Variants in GTF3C1 observed in about 807,000 individuals in gnomAD.
GTF3C1 encodes the protein general transcription factor IIIC subunit 1.
Under a neutral mutation model 226.7 loss-of-function variants are expected in GTF3C1, and 57 were observed. The observed-to-expected ratio is 0.25, with a 90% confidence interval of 0.20 to 0.31. GTF3C1 has a LOEUF of 0.31. GTF3C1 is among the 10% of genes least tolerant of loss of function. The pLI is 1.00. For missense variants in GTF3C1, 2,217 were observed against 2,776.1 expected (o/e 0.80, Z 4.53); for synonymous variants, 1,090 against 1,084.8 (o/e 1.00, Z -0.09).
At position 27,460,971 on chromosome 16, in the gene GTF3C1, C is replaced by G. The variant is rs754252364; in HGVS notation, c.*379G>C. 1.0e-5 allele frequency: 2 copies of G among 190,546 alleles called. No homozygotes were observed. Among genetic ancestry groups the G allele is most frequent in the Non-Finnish European group, 2.2e-5 (2 of 90,804 alleles). 11.8% of individuals were successfully genotyped at this position (190,546 alleles called of 1,614,324 possible). On this transcript the variant is annotated 3_prime_UTR_variant, in exon 37 of 37. Transcript: ENST00000356183. ...TCTGCAAGGTGTATCCCACAAGGCC[C>G]TTCCTCTTGGTGGCACCTGGGCACT...
In GTF3C1 at chr16:27,463,318, C is replaced by A; in HGVS notation, c.5924+223G>T. The A allele has an allele frequency of 1.7e-6, 1 of 577,928 alleles. No homozygotes were observed. Among genetic ancestry groups the A allele is most frequent in the Non-Finnish European group, 3.1e-6 (1 of 326,464 alleles). The allele number at this position is 577,928 out of a possible 1,614,324, so 35.8% of individuals were successfully genotyped here. On this transcript the variant is annotated intron_variant, in intron 35 of 36. Coordinates refer to ENST00000356183, the MANE Select transcript of GTF3C1 (RefSeq NM_001520.4). This position sits in a 1 kb window ranked among gnomAD's most constrained non-coding sequence, Gnocchi z 4.9. Reference sequence around the variant, plus strand: ...ACCAGCGCCCTGGGCATTCTGGAAGCGCAGCCCTCATTCCAGGCCGACCTG... The same window carrying A: ...ACCAGCGCCCTGGGCATTCTGGAAGAGCAGCCCTCATTCCAGGCCGACCTG...
intron 8 of GTF3C1, 45 bp downstream of exon 8, chr16:27,508,495 C>A (rs772830911): frequency 7.2e-7 from 1 of 1,381,352 alleles, no homozygotes; most frequent in Non-Finnish European, 1.0e-6. Flanking sequence ...ACACTGCAAG[C>A]ACCTCCAAAG....
chr16:27,515,341 C>A (rs956181917), intron 6 of GTF3C1, among the ~76,000 whole-genome samples: 1 of 151,720 alleles, frequency 6.6e-6, no homozygotes, highest in Non-Finnish European at 1.5e-5. Flanking sequence ...CCCAGCTACT[C>A]GGAAGGCTGA....
intron 14 of GTF3C1, among the ~76,000 whole-genome samples, chr16:27,496,697 C>T (rs2088322764): frequency 6.6e-6 from 1 of 152,230 alleles, no homozygotes; most frequent in Non-Finnish European, 1.5e-5. Context: ...AGCCACCATA[C>T]CCAGCCATCT....
Position 27,502,477 on chromosome 16 carries a change from G to A in GTF3C1, c.1907+382C>T, listed in dbSNP as rs182663472. Among the ~76,000 whole-genome samples the A allele has an allele frequency of 9.2e-5, 14 of 152,202 alleles. No homozygotes were observed. The East Asian group carries it at 1.5e-3, about 17-fold the overall frequency. The stretch of plus-strand genomic sequence containing the variant: ...ACTCTATTTGCGCAAAATGCACCAC[G>A]GAGAACTAAAAGTCTGGAAGTAATG... On this transcript the variant is annotated intron_variant, in intron 11 of 36. Transcript: ENST00000356183.
chr16:27,476,479 C>T lies in GTF3C1; in HGVS notation c.4325G>A (p.Ser1442Asn), dbSNP rs199601396. Residue 1442 changes from serine (S) to asparagine (N), a missense_variant, in exon 29 of 37, where the codon AGT (serine) becomes AAT (asparagine). Ser to Asn is a conservative substitution (Grantham distance 46). Coordinates refer to ENST00000356183, the MANE Select transcript of GTF3C1 (RefSeq NM_001520.4). ...LIQSTLALSD[S>N]QMKSYQSFQT... ...GAATGACTGGTAGGACTTCATCTGA[C>T]TGTCTGAGAGGGCCAGCGTGCTCTG... The T allele has an allele frequency of 1.6e-4, 263 of 1,612,892 alleles. No individual in the cohort carries two copies. The South Asian group carries it at 2.8e-3, about 17-fold the overall frequency.
chr16:27,473,259 T>C (rs189960273), intron 29 of GTF3C1, among the ~76,000 whole-genome samples: 19 of 152,360 alleles, frequency 1.2e-4, no homozygotes, highest in African/African-American at 4.3e-4. Flanking sequence ...GTACCTCTGC[T>C]GGACATGCCA....
chr16:27,464,427 G>T lies in GTF3C1; in HGVS notation c.5765C>A (p.Ala1922Glu), dbSNP rs764407120. The T allele has an allele frequency of 2.5e-6, 4 of 1,602,776 alleles. No homozygotes were observed. The East Asian group carries it at 6.8e-5, about 27-fold the overall frequency. Residue 1922 changes from alanine to glutamate, a missense_variant, in exon 34 of 37, where the codon GCG becomes GAG. By Grantham distance (107) the Ala-to-Glu change is moderately radical. Coordinates refer to ENST00000356183, the MANE Select transcript of GTF3C1 (RefSeq NM_001520.4). The part of the protein sequence containing the change: ...PPPALEDTAA[A>E]GAAQEDQEGV... The stretch of plus-strand genomic sequence containing the variant: ...CTCTTGGTCTTCCTGTGCTGCTCCC[G>T]CTGCAGCGGTGTCTTCAAGAGCTGG...
chr16:27,508,512 A>C (rs1318099721), intron 8 of GTF3C1, 28 bp downstream of exon 8: 3 of 1,494,748 alleles, frequency 2.0e-6, no homozygotes, highest in Non-Finnish European at 2.8e-6. Flanking sequence ...AAAGACAACG[A>C]GTGTTGGGGG....
At chr16:27,515,786 G>A (rs1432217789) in intron 6 of GTF3C1, among the ~76,000 whole-genome samples, 1 of 152,242 alleles carries the variant, frequency 6.6e-6, no homozygotes, top group Non-Finnish European at 1.5e-5. Context: ...TAGCATGGCT[G>A]AGACAGCATC....
chr16:27,481,269 T>C, intron 26 of GTF3C1, 78 bp from the exon 27 acceptor site: 1 of 1,246,456 alleles, frequency 8.0e-7, no homozygotes, highest in Non-Finnish European at 1.2e-6. Context: ...CCAAGGAATA[T>C]CTTGTAACAA....
At position 27,497,675 on chromosome 16, in the gene GTF3C1, A is replaced by G; in HGVS notation, c.2312T>C (p.Met771Thr). 1 of 1,614,042 alleles carries G rather than the reference A, an allele frequency of 6.2e-7. No individual in the cohort carries two copies. Among genetic ancestry groups the G allele is most frequent in the Non-Finnish European group, 8.5e-7 (1 of 1,179,916 alleles). ...ATAATTTCTAAGCGGGGTTATGCCCATTTTATTATCACTTTTTTTCATCCG... is the reference window on the plus strand; with the variant it reads ...ATAATTTCTAAGCGGGGTTATGCCCGTTTTATTATCACTTTTTTTCATCCG... ...SGRMKKSDNK[M>T]GITPLRNYHP... is the part of the protein sequence containing the mutation. The change falls in exon 14 of 37, where the codon ATG becomes ACG. Residue 771 changes from methionine (M) to threonine (T), a missense_variant. Physicochemically the swap from Met to Thr is moderately conservative, Grantham distance 81. Around this residue, in one of 12 missense-constraint regions of GTF3C1, gnomAD observed 100 missense variants for 139.9 expected, o/e 0.71. Coordinates refer to ENST00000356183, the MANE Select transcript of GTF3C1 (RefSeq NM_001520.4).
chr16:27,540,901 C>A (rs986326300), intron 2 of GTF3C1, among the ~76,000 whole-genome samples: 1 of 151,870 alleles, frequency 6.6e-6, no homozygotes, highest in Admixed American at 6.6e-5. Context: ...AGTACAGTGA[C>A]GCGATCTCAG....
chr16:27,493,199 C>A lies in GTF3C1; in HGVS notation c.2876G>T (p.Arg959Met). 1 of 1,573,744 alleles carries A rather than the reference C, an allele frequency of 6.4e-7. No homozygotes were observed. The highest frequency in any genetic ancestry group is 8.7e-7 in the Non-Finnish European group (1 of 1,143,112). Residue 959 changes from arginine to methionine, a missense_variant and splice_region_variant, in exon 17 of 37, where the codon AGG becomes ATG. Around this residue, in one of 12 missense-constraint regions of GTF3C1, gnomAD observed 353 missense variants for 411.7 expected, o/e 0.86. Coordinates refer to ENST00000356183, the MANE Select transcript of GTF3C1 (RefSeq NM_001520.4). Reference protein sequence around the residue: ...RPIRQQLLYKRRYIFSVVENL... With the variant: ...RPIRQQLLYKMRYIFSVVENL... The stretch of plus-strand genomic sequence containing the variant: ...TCTGGGTCAGGTTCAATGGCCTCAC[C>A]TCTTGTACAGAAGCTGCTGCCGAAT...
At chr16:27,534,259 G>A (rs759489742) in intron 4 of GTF3C1, among the ~76,000 whole-genome samples, 35 of 152,128 alleles carry the variant, frequency 2.3e-4, no homozygotes, top group Non-Finnish European at 3.7e-4. Flanking sequence ...CCAAGCTAAC[G>A]GCCAGCAAAG....
Position 27,528,529 on chromosome 16 carries a change from G to A in GTF3C1, c.973+69C>T. On this transcript the variant is annotated intron_variant, in intron 6 of 36. Transcript: ENST00000356183. ...GGCAGAATGTGATCAGAGAGAGAGA[G>A]GCTGAAGCTTAGAAGACAGAAGTGA... is the stretch of plus-strand genomic sequence containing the variant. 32 of 1,222,868 alleles carry A rather than the reference G, an allele frequency of 2.6e-5. 1 individual carries two copies. In the South Asian group the frequency reaches 3.8e-4, roughly 14 times the overall value. 75.8% of individuals were successfully genotyped at this position (1,222,868 alleles called of 1,614,324 possible). A position where few individuals can be genotyped will look rare whatever the true frequency, so the allele number is the denominator to read the frequency against.
Position 27,537,918 on chromosome 16 carries a change from A to G in GTF3C1, c.618T>C (p.Ala206=). 1 of 1,614,068 alleles carries G rather than the reference A, an allele frequency of 6.2e-7. No homozygotes were observed. The highest frequency in any genetic ancestry group is 8.5e-7 in the Non-Finnish European group (1 of 1,179,970). ...TTTTTCTGTGATAGTGCAGCTTCCC[A>G]GCATCAACCCTGGAGGAAAAGAGGA... ...DLHTTAFKVD[A]GKLHYHRKIL... is the part of the protein sequence containing the mutation. Residue 206 remains alanine, a synonymous_variant, in exon 4 of 37, where the codon GCT becomes GCC. Coordinates refer to ENST00000356183, the MANE Select transcript of GTF3C1 (RefSeq NM_001520.4).
At position 27,492,409 on chromosome 16, in the gene GTF3C1, A is replaced by G. The variant is rs780625005; in HGVS notation, c.3080T>C (p.Val1027Ala). 1.2e-6 allele frequency: 2 copies of G among 1,611,354 alleles called. No homozygotes were observed. Among genetic ancestry groups the G allele is most frequent in the East Asian group, 2.2e-5 (1 of 44,854 alleles). ...TTCCACATCCTGCATTGAGTTCAGGACATAGAGGCGCCTCTCGAAGGGCCG... is the reference window on the plus strand; with the variant it reads ...TTCCACATCCTGCATTGAGTTCAGGGCATAGAGGCGCCTCTCGAAGGGCCG... ...SSRPFERRLY[V>A]LNSMQDVENY... Residue 1027 changes from valine to alanine, a missense_variant, in exon 19 of 37, where the codon GTC (valine) becomes GCC (alanine). By Grantham distance (64) the Val-to-Ala change is moderately conservative. Transcript: ENST00000356183. This position sits in a 1 kb window ranked among gnomAD's most constrained non-coding sequence, Gnocchi z 5.0.
At position 27,497,619 on chromosome 16, in the gene GTF3C1, C is replaced by A; in HGVS notation, c.2350+18G>T. 1.9e-6 allele frequency: 3 copies of A among 1,593,288 alleles called. No homozygotes were observed. The highest frequency in any genetic ancestry group is 2.6e-6 in the Non-Finnish European group (3 of 1,163,706). On this transcript the variant is annotated intron_variant, in intron 14 of 36. Transcript: ENST00000356183. ...CAAATCAAATGTAACTAAACACAGA[C>A]AAGAAGCTGCAGCTTACCTACAATG...
Sources: gnomAD v4.1 joint callset for allele counts (sites outside exome capture counted in the v4.1 genomes callset) on GRCh38, gnomAD v4.1.1 for gene constraint, gnomAD v4.1.1 regional missense constraint, Gnocchi (gnomAD v3.1) non-coding constraint, MANE v1.5 for transcripts, NCBI Gene and HGNC (gene_info 2026-07-23, HGNC 2026-07-21) for gene names.